The following CRK variants were observed in gnomAD, a reference collection of about 807,000 sequenced individuals.
The protein encoded by CRK is CRK proto-oncogene, adaptor protein, also known as adapter molecule crk.
CRK carries 4 observed loss-of-function variants against 29.8 expected under a neutral mutation model. The ratio of observed to expected loss-of-function variants is 0.13; its 90% CI spans 0.07 to 0.31. The LOEUF (loss-of-function observed/expected upper bound fraction) is 0.31. Among genes scored for constraint, CRK ranks in the 10% least tolerant of loss-of-function variants. The pLI is 1.00. For synonymous variants in CRK, 153 were observed against 164.9 expected (o/e 0.93, Z 0.55); for missense variants, 274 against 396.5 (o/e 0.69, Z 2.62).
At chr17:1,446,633 C>T (rs1259865833) in intron 1 of CRK, among the ~76,000 whole-genome samples, 2 of 147,088 alleles carry the variant, frequency 1.4e-5, no homozygotes, top group South Asian at 2.1e-4. Context: ...GCTCTTTCGC[C>T]TAGGCTGGAC....
rs1236543219 is a variant in CRK at position 1,421,856 on chromosome 17, A to G, written c.*1657T>C. 1 of 152,204 alleles carries G rather than the reference A, an allele frequency of 6.6e-6. No homozygotes were observed. The highest frequency in any genetic ancestry group is 1.5e-5 in the Non-Finnish European group (1 of 68,024). 9.4% of individuals were successfully genotyped at this position (152,204 alleles called of 1,614,324 possible). On this transcript the variant is annotated 3_prime_UTR_variant, in exon 3 of 3. Coordinates refer to ENST00000300574, the MANE Select transcript of CRK (RefSeq NM_016823.4). ...CCAAAGCAAACTATAAGGTGTTTCT[A>G]TTGGTCATACCACACCAGAGACCGG...
intron 1 of CRK, among the ~76,000 whole-genome samples, chr17:1,446,815 G>C (rs995718968): frequency 6.6e-6 from 1 of 151,602 alleles, no homozygotes; most frequent in Non-Finnish European, 1.5e-5. Context: ...GGATGGTCTC[G>C]ATCTCCTGAC....
At chr17:1,426,562 T>C (rs1166541766) in intron 2 of CRK, 1 of 151,782 alleles carries the variant, frequency 6.6e-6, no homozygotes, top group Non-Finnish European at 1.5e-5. Context: ...GAAACCTCAT[T>C]TCTACAAAAA....
chr17:1,454,540 T>C (rs964500129), intron 1 of CRK, among the ~76,000 whole-genome samples: 2 of 152,102 alleles, frequency 1.3e-5, no homozygotes, highest in African/African-American at 4.8e-5. Flanking sequence ...TAAAAATTGG[T>C]GTGTGTTAAC....
chr17:1,452,679 A>C (rs1224249662), intron 1 of CRK, among the ~76,000 whole-genome samples: 4 of 151,884 alleles, frequency 2.6e-5, no homozygotes, highest in African/African-American at 9.7e-5. Context: ...AATTCCAGCT[A>C]CTCAGGAGGC....
At chr17:1,450,999 T>G (rs1263859172) in intron 1 of CRK, among the ~76,000 whole-genome samples, 2 of 151,614 alleles carry the variant, frequency 1.3e-5, no homozygotes, top group Non-Finnish European at 2.9e-5. Context: ...GAGACCATCC[T>G]GGCTAACACG....
At chr17:1,454,183 CAG>C (rs71148487) in intron 1 of CRK, among the ~76,000 whole-genome samples, 19,251 of 152,024 alleles carry the variant, frequency 0.13, 1,459 homozygotes, top group African/African-American at 0.2. Flanking sequence ...GCCTGGGCGA[CAG>C]AGAGACTCCG....
intron 1 of CRK, among the ~76,000 whole-genome samples, chr17:1,443,726 GTC>G (rs2073952871): frequency 6.8e-6 from 1 of 147,398 alleles, no homozygotes; most frequent in South Asian, 2.1e-4. Flanking sequence ...TTGAGATGGA[GTC>G]TCTTTCTGTT....
rs575428714 is a variant in CRK, at chr17:1,421,544, A to G, written c.*1969T>C. The stretch of plus-strand genomic sequence containing the variant: ...TTTACAAGTTGAGTTTAACGTCTTT[A>G]TCAAGCATGACCTTAGTGTGAGGTA... On this transcript the variant is annotated 3_prime_UTR_variant, in exon 3 of 3. Transcript: ENST00000300574. The G allele has an allele frequency of 6.6e-6, 1 of 152,340 alleles. No individual in the cohort carries two copies. The highest frequency in any genetic ancestry group is 1.9e-4 in the East Asian group (1 of 5,186). 9.4% of individuals were successfully genotyped at this position (152,340 alleles called of 1,614,324 possible).
intron 1 of CRK, among the ~76,000 whole-genome samples, chr17:1,453,511 G>C (rs2074034162): frequency 6.6e-6 from 1 of 152,158 alleles, no homozygotes; most frequent in Admixed American, 6.5e-5. Flanking sequence ...GGCCAACACA[G>C]GTACATCAAT....
At chr17:1,446,200 G>A (rs1379593791) in intron 1 of CRK, among the ~76,000 whole-genome samples, 3 of 152,180 alleles carry the variant, frequency 2.0e-5, no homozygotes, top group African/African-American at 7.2e-5. Flanking sequence ...TGGTGAACAA[G>A]GAGAAAGCGG....
intron 1 of CRK, among the ~76,000 whole-genome samples, chr17:1,448,620 CAAAAAAA>C (rs1292024313): frequency 1.9e-4 from 6 of 32,360 alleles, no homozygotes; most frequent in African/African-American, 8.8e-4. Flanking sequence ...GACTCCATCT[CAAAAAAA>C]AAAAAAAAAA....
At chr17:1,455,045 A>G (rs1033115925) in intron 1 of CRK, among the ~76,000 whole-genome samples, 7 of 152,156 alleles carry the variant, frequency 4.6e-5, no homozygotes, top group Non-Finnish European at 1.5e-5. Context: ...GTCCAAGGAA[A>G]ATGAAGTTCC....
chr17:1,448,659 C>T (rs2073994505), intron 1 of CRK, among the ~76,000 whole-genome samples: 1 of 138,270 alleles, frequency 7.2e-6, no homozygotes, highest in Non-Finnish European at 1.5e-5. Context: ...GTGGCTCGTA[C>T]ATTATAGGTG....
At chr17:1,439,000 A>C (rs1039258110) in intron 1 of CRK, among the ~76,000 whole-genome samples, 2 of 151,848 alleles carry the variant, frequency 1.3e-5, no homozygotes, top group African/African-American at 2.4e-5. Context: ...CGCCCGGCTA[A>C]TTTTTGTATT....
At chr17:1,428,601 G>A (rs2150900656) in intron 2 of CRK, among the ~76,000 whole-genome samples, 1 of 136,032 alleles carries the variant, frequency 7.4e-6, no homozygotes, top group Admixed American at 8.5e-5. Flanking sequence ...TCAGCTCACT[G>A]CAACCTCTGC....
At chr17:1,450,366 G>C (rs1037808752) in intron 1 of CRK, among the ~76,000 whole-genome samples, 3 of 152,236 alleles carry the variant, frequency 2.0e-5, no homozygotes, top group East Asian at 3.9e-4. Context: ...AATTAGCCGG[G>C]CATAGTGGCG....
At chr17:1,450,284 G>A (rs886566484) in intron 1 of CRK, among the ~76,000 whole-genome samples, 17 of 151,702 alleles carry the variant, frequency 1.1e-4, no homozygotes, top group Admixed American at 2.0e-4. Context: ...CAAGGTGGGC[G>A]GATCACGAGG....
intron 2 of CRK, chr17:1,426,352 T>A (rs1281136407): frequency 6.6e-6 from 1 of 152,264 alleles, no homozygotes; most frequent in Non-Finnish European, 1.5e-5. Context: ...TGCCTATCCT[T>A]ACACACAGGT....
Sources: allele counts gnomAD v4.1 joint callset (sites outside exome capture counted in the v4.1 genomes callset), GRCh38; gene constraint gnomAD v4.1.1; transcripts MANE v1.5; gene names NCBI Gene and HGNC (gene_info 2026-07-23, HGNC 2026-07-21).